Variants in TOR1AIP2 observed in about 807,000 individuals in gnomAD.
TOR1AIP2 encodes torsin-1A-interacting protein 2.
In TOR1AIP2, 20 loss-of-function variants were observed where a neutral mutation model predicts 32.6. The ratio of observed to expected loss-of-function variants is 0.61; its 90% CI spans 0.43 to 0.89. The LOEUF is 0.89. Among genes scored for constraint, TOR1AIP2 ranks in the 40% least tolerant of loss-of-function variants. The pLI is 0.00. For missense variants in TOR1AIP2, 456 were observed against 553.8 expected (o/e 0.82, Z 1.77); for synonymous variants, 214 against 210.8 (o/e 1.02, Z -0.13).
At position 179,877,381 on chromosome 1, in the gene TOR1AIP2, A is replaced by T. The variant is rs1647408606; in HGVS notation, c.-700-8T>A. The T allele has an allele frequency of 6.6e-6, 1 of 151,906 alleles. No homozygotes were observed. The allele number at this position is 151,906 out of a possible 1,614,324, so 9.4% of individuals were successfully genotyped here. A position where few individuals can be genotyped will look rare whatever the true frequency, so the allele number is the denominator to read the frequency against. On this transcript the variant is annotated splice_polypyrimidine_tract_variant and splice_region_variant and intron_variant, in intron 1 of 6. Coordinates refer to ENST00000609928, the MANE Select transcript of TOR1AIP2 (RefSeq NM_001199260.2). ...TACAGTGAGACCCTGTCGCTATAAAAATAAAAAATAAAGTAATTAGTAGGG... is the reference window on the plus strand; with the variant it reads ...TACAGTGAGACCCTGTCGCTATAAATATAAAAAATAAAGTAATTAGTAGGG...
At chr1:179,855,162 ATATCTT>A (rs1352282346) in intron 3 of TOR1AIP2, among the ~76,000 whole-genome samples, 1 of 152,228 alleles carries the variant, frequency 6.6e-6, no homozygotes, top group Non-Finnish European at 1.5e-5. Context: ...AGAATATCAA[ATATCTT>A]TATAACTGCA....
rs1695869404 is a variant in TOR1AIP2 at position 179,845,543 on chromosome 1, C to T, written c.*528G>A. On this transcript the variant is annotated 3_prime_UTR_variant, in exon 7 of 7. Transcript: ENST00000609928. ...AATTCTTATTTCTTTTATCATACTA[C>T]TCAAAACTGCAAAATTAATATAAGA... is the stretch of plus-strand genomic sequence containing the variant. The T allele has an allele frequency of 6.6e-6, 1 of 152,432 alleles. No homozygotes were observed. The allele number at this position is 152,432 out of a possible 1,614,324, so 9.4% of individuals were successfully genotyped here.
At chr1:179,856,642 G>C (rs1451902314) in intron 3 of TOR1AIP2, among the ~76,000 whole-genome samples, 1 of 152,016 alleles carries the variant, frequency 6.6e-6, no homozygotes, top group African/African-American at 2.4e-5. Flanking sequence ...CCCCAAGATA[G>C]AATCTCACTC....
chr1:179,872,755 T>C (rs568428874), intron 2 of TOR1AIP2, among the ~76,000 whole-genome samples: 2 of 152,356 alleles, frequency 1.3e-5, no homozygotes, highest in South Asian at 2.1e-4. Context: ...CGTAGAGGTA[T>C]TAAGCTATGC....
chr1:179,859,587 C>T (rs980575891), intron 3 of TOR1AIP2: 2 of 985,422 alleles, frequency 2.0e-6, no homozygotes, highest in Non-Finnish European at 2.4e-6. Flanking sequence ...GGAACTACCA[C>T]TTCAGGAATT....
rs934019995 is a variant in TOR1AIP2 at position 179,841,382 on chromosome 1, T to C, written c.*4689A>G. On this transcript the variant is annotated 3_prime_UTR_variant, in exon 7 of 7. Transcript: ENST00000609928. ...AAGACAATGCTCCTATAAAATGATA[T>C]ATTATTGGCTTTACAAAGACATACT... The C allele has an allele frequency of 3.3e-5, 5 of 152,244 alleles. No individual in the cohort carries two copies. The highest frequency in any genetic ancestry group is 7.3e-5 in the Non-Finnish European group (5 of 68,046). 9.4% of individuals were successfully genotyped at this position (152,244 alleles called of 1,614,324 possible).
chr1:179,852,530 T>C, intron 4 of TOR1AIP2, 102 bp downstream of exon 4: 1 of 1,282,764 alleles, frequency 7.8e-7, no homozygotes, highest in Admixed American at 1.8e-5. Context: ...AATTAGCTTT[T>C]TTACTTCAAA....
rs534793364 is a variant in TOR1AIP2 at position 179,848,021 on chromosome 1, A to G, written c.554-385T>C. On this transcript the variant is annotated intron_variant, in intron 5 of 6. Transcript: ENST00000609928. ...GCACTCCAGCCTGGGGGACAGAGCA[A>G]GACTCCATCTCAGAAAAAAAAAAAA... Among the ~76,000 whole-genome samples, 35 of 149,816 alleles carry G rather than the reference A, an allele frequency of 2.3e-4. 1 individual carries two copies. The East Asian group carries it at 6.7e-3, about 29-fold the overall frequency.
chr1:179,865,251 C>G (rs2148449007), intron 3 of TOR1AIP2, 185 bp downstream of exon 3: 3 of 1,503,854 alleles, frequency 2.0e-6, no homozygotes, highest in Non-Finnish European at 2.7e-6. Flanking sequence ...CGCCCAAACA[C>G]CAGTCCTATT....
At chr1:179,870,272 G>A (rs569733588) in intron 2 of TOR1AIP2, among the ~76,000 whole-genome samples, 70 of 152,164 alleles carry the variant, frequency 4.6e-4, no homozygotes, top group African/African-American at 1.5e-3. Context: ...GGTGGCGGGC[G>A]CCTGTAGTCC....
intron 2 of TOR1AIP2, among the ~76,000 whole-genome samples, chr1:179,870,142 A>G (rs1237794800): frequency 6.6e-6 from 1 of 152,212 alleles, no homozygotes; most frequent in Non-Finnish European, 1.5e-5. Context: ...TACGCCTGTA[A>G]TCCCAGCACT....
Position 179,840,121 on chromosome 1 carries a change from CAT to C in TOR1AIP2, c.*5948_*5949del, listed in dbSNP as rs200690305. On this transcript the variant is annotated 3_prime_UTR_variant, in exon 7 of 7. Coordinates refer to ENST00000609928, the MANE Select transcript of TOR1AIP2 (RefSeq NM_001199260.2). ...GGGACGTTAGTATTGGCAAAGCACACATATTTTTTGTTAAGCACAAATAAGCA... is the reference window on the plus strand; with the variant it reads ...GGGACGTTAGTATTGGCAAAGCACACATTTTTTGTTAAGCACAAATAAGCA... 123 of 152,366 alleles carry C rather than the reference CAT, an allele frequency of 8.1e-4. 4 individuals carry two copies. In the East Asian group the frequency reaches 0.02, roughly 24 times the overall value. 9.4% of individuals were successfully genotyped at this position (152,366 alleles called of 1,614,324 possible).
chr1:179,846,811 C>T lies in TOR1AIP2; in HGVS notation c.673G>A (p.Val225Ile), dbSNP rs747655128. The T allele has an allele frequency of 1.5e-5, 24 of 1,597,664 alleles. No homozygotes were observed. Among genetic ancestry groups the T allele is most frequent in the Admixed American group, 8.5e-5 (5 of 58,784 alleles). The change falls in exon 7 of 7, where the codon GTC becomes ATC. Residue 225 changes from valine to isoleucine, a missense_variant. Coordinates refer to ENST00000609928, the MANE Select transcript of TOR1AIP2 (RefSeq NM_001199260.2). ...FWSYGPVILVVLVVAVVASSV... is the reference protein window; with the variant it reads ...FWSYGPVILVILVVAVVASSV... Reference sequence around the variant, plus strand: ...CTTGCCACAACAGCCACAACCAGGACGACAAGAATCACAGGGCCTGTCAAA... The same window carrying T: ...CTTGCCACAACAGCCACAACCAGGATGACAAGAATCACAGGGCCTGTCAAA...
intron 5 of TOR1AIP2, among the ~76,000 whole-genome samples, chr1:179,849,037 G>A (rs1696023301): frequency 6.6e-6 from 1 of 152,240 alleles, no homozygotes; most frequent in East Asian, 1.9e-4. Flanking sequence ...TCGGGAGGCT[G>A]AGGCAGGAGA....
At chr1:179,857,151 A>C (rs1388780974) in intron 3 of TOR1AIP2, among the ~76,000 whole-genome samples, 1 of 152,284 alleles carries the variant, frequency 6.6e-6, no homozygotes, top group Non-Finnish European at 1.5e-5. Flanking sequence ...TGGCAACAAA[A>C]GACATTCACT....
chr1:179,872,949 T>C (rs1046176031), intron 2 of TOR1AIP2, among the ~76,000 whole-genome samples: 6 of 152,252 alleles, frequency 3.9e-5, no homozygotes, highest in African/African-American at 1.4e-4. Context: ...ACAGTTCCAT[T>C]ATATCCTTCA....
chr1:179,862,140 G>GAT, intron 3 of TOR1AIP2: 1 of 984,548 alleles, frequency 1.0e-6, no homozygotes, highest in Non-Finnish European at 1.2e-6. Context: ...AGAAATCAAT[G>GAT]ATATAAATCC....
intron 3 of TOR1AIP2, chr1:179,863,514 A>C: frequency 2.0e-6 from 2 of 985,144 alleles, no homozygotes; most frequent in Non-Finnish European, 2.4e-6. Flanking sequence ...TGAGAAAAAA[A>C]AACCTAACGA....
At chr1:179,856,058 C>T (rs1696291027) in intron 3 of TOR1AIP2, among the ~76,000 whole-genome samples, 2 of 152,008 alleles carry the variant, frequency 1.3e-5, no homozygotes, top group Non-Finnish European at 2.9e-5. Context: ...TGGTGCATAC[C>T]TGTAGTCCCA....
Sources: gnomAD v4.1 joint callset for allele counts (sites outside exome capture counted in the v4.1 genomes callset) on GRCh38, gnomAD v4.1.1 for gene constraint, MANE v1.5 for transcripts, NCBI Gene and HGNC (gene_info 2026-07-23, HGNC 2026-07-21) for gene names.